The following CDK14 variants were observed in gnomAD, a reference collection of about 807,000 sequenced individuals.
The protein encoded by CDK14 is cyclin-dependent kinase 14.
In CDK14, 34 loss-of-function variants were observed where a neutral mutation model predicts 60.7. The ratio of observed to expected loss-of-function variants is 0.56; its 90% CI spans 0.43 to 0.75. CDK14 has a LOEUF of 0.75. Among genes scored for constraint, CDK14 ranks in the 30% least tolerant of loss-of-function variants. The pLI is 0.00. For missense variants in CDK14, 482 were observed against 564.1 expected, an observed-to-expected ratio of 0.85 and a Z score of 1.47; for synonymous variants, 197 against 203.7, an observed-to-expected ratio of 0.97 and a Z score of 0.28.
intron 7 of CDK14, among the ~76,000 whole-genome samples, chr7:90,900,731 A>G: frequency 6.6e-6 from 1 of 152,186 alleles, no homozygotes; most frequent in East Asian, 1.9e-4. Flanking sequence ...CTCTGAGCTA[A>G]CTTTGACTTC....
intron 5 of CDK14, among the ~76,000 whole-genome samples, chr7:90,809,662 C>T (rs1249945119): frequency 6.6e-6 from 1 of 151,752 alleles, no homozygotes; most frequent in Non-Finnish European, 1.5e-5. Context: ...AAAAACCCTT[C>T]AAAGAAATGA....
intron 11 of CDK14, among the ~76,000 whole-genome samples, chr7:91,068,195 G>T (rs1233512406): frequency 6.6e-6 from 1 of 152,164 alleles, no homozygotes. Context: ...ATGCAGCCTA[G>T]TAGAGAATAA....
At chr7:91,198,119 A>G (rs1164200277) in intron 14 of CDK14, among the ~76,000 whole-genome samples, 1 of 152,188 alleles carries the variant, frequency 6.6e-6, no homozygotes, top group African/African-American at 2.4e-5. Flanking sequence ...GATGTGCTAT[A>G]GTGGTATGCA....
At chr7:91,072,247 A>G (rs1026194133) in intron 11 of CDK14, among the ~76,000 whole-genome samples, 2 of 152,150 alleles carry the variant, frequency 1.3e-5, no homozygotes, top group African/African-American at 4.8e-5. Context: ...CAGACACCCT[A>G]TATAGGAATG....
At chr7:91,096,663 T>G (rs916969137) in intron 12 of CDK14, among the ~76,000 whole-genome samples, 6 of 152,228 alleles carry the variant, frequency 3.9e-5, no homozygotes, top group Non-Finnish European at 8.8e-5. Context: ...TCCCTAAATT[T>G]GAAGTCTTGT....
At chr7:91,053,154 C>A (rs1797440924) in intron 11 of CDK14, among the ~76,000 whole-genome samples, 1 of 152,100 alleles carries the variant, frequency 6.6e-6, no homozygotes, top group Non-Finnish European at 1.5e-5. Flanking sequence ...ACGTTTTATG[C>A]TATATTTTAT....
At chr7:91,178,192 G>GA (rs890904148) in intron 14 of CDK14, among the ~76,000 whole-genome samples, 4 of 55,660 alleles carry the variant, frequency 7.2e-5, no homozygotes, top group African/African-American at 2.7e-4. Flanking sequence ...ACAAACCTGA[G>GA]AAAAACAAGC....
intron 6 of CDK14, among the ~76,000 whole-genome samples, chr7:90,873,425 G>C (rs1791442931): frequency 6.6e-6 from 1 of 152,186 alleles, no homozygotes; most frequent in African/African-American, 2.4e-5. Context: ...AAGTAAGTTA[G>C]TAAATGCCTG....
intron 10 of CDK14, among the ~76,000 whole-genome samples, chr7:91,039,705 T>A (rs536673542): frequency 6.6e-6 from 1 of 152,190 alleles, no homozygotes; most frequent in African/African-American, 2.4e-5. Flanking sequence ...GCCACTCTTA[T>A]AATTTCCTCT....
chr7:90,629,083 A>AT (rs1320732717), intron 2 of CDK14, among the ~76,000 whole-genome samples: 4 of 152,072 alleles, frequency 2.6e-5, no homozygotes, highest in South Asian at 4.2e-4. Flanking sequence ...TTTTATATAT[A>AT]TTTTTTTAAA....
intron 10 of CDK14, among the ~76,000 whole-genome samples, chr7:91,036,984 AG>A (rs1796951900): frequency 6.6e-6 from 1 of 152,226 alleles, no homozygotes; most frequent in African/African-American, 2.4e-5. Context: ...TGGGAATCAC[AG>A]GGGTGAGCTT....
intron 9 of CDK14, among the ~76,000 whole-genome samples, chr7:90,972,841 G>T (rs1794968770): frequency 6.6e-6 from 1 of 152,078 alleles, no homozygotes; most frequent in African/African-American, 2.4e-5. Context: ...TCGCCCCTCA[G>T]TACCTGATTT....
Position 90,909,137 on chromosome 7 carries a change from C to G in CDK14, c.703-8464C>G, listed in dbSNP as rs186336963. ...TCCCAAATGAAATTGAGTAGGAAGA[C>G]CTACTGACTCTCCATTTCCCAATTT... On this transcript the variant is annotated intron_variant, in intron 7 of 14. Transcript: ENST00000380050. Among the ~76,000 whole-genome samples, 3 of 152,200 alleles carry G rather than the reference C, an allele frequency of 2.0e-5. No individual in the cohort carries two copies. The East Asian group carries it at 5.8e-4, about 29-fold the overall frequency.
chr7:90,886,080 A>G (rs1791937980), intron 6 of CDK14, among the ~76,000 whole-genome samples: 1 of 152,194 alleles, frequency 6.6e-6, no homozygotes, highest in African/African-American at 2.4e-5. Flanking sequence ...TTCTTAAAAC[A>G]AATTCCATCA....
intron 11 of CDK14, among the ~76,000 whole-genome samples, chr7:91,063,236 C>T (rs1442404070): frequency 6.6e-6 from 1 of 152,154 alleles, no homozygotes; most frequent in Admixed American, 6.5e-5. Flanking sequence ...CACATAGCTC[C>T]TTCAAGACAA....
intron 9 of CDK14, among the ~76,000 whole-genome samples, chr7:90,964,377 C>G (rs576901023): frequency 1.3e-5 from 2 of 152,114 alleles, no homozygotes; most frequent in African/African-American, 2.4e-5. Flanking sequence ...TATGGAAAAC[C>G]TAGGTCAGCT....
chr7:90,752,546 G>A (rs572656528), intron 4 of CDK14, among the ~76,000 whole-genome samples: 5 of 151,856 alleles, frequency 3.3e-5, no homozygotes, highest in Admixed American at 2.6e-4. Context: ...GCACTAAATG[G>A]CTACCTAAAA....
At chr7:90,684,193 T>G (rs191542849) in intron 2 of CDK14, among the ~76,000 whole-genome samples, 1 of 152,304 alleles carries the variant, frequency 6.6e-6, no homozygotes, top group Admixed American at 6.5e-5. Flanking sequence ...TAAAAAGAGT[T>G]TAGAGTTATT....
intron 6 of CDK14, among the ~76,000 whole-genome samples, chr7:90,893,381 GTCTA>G (rs1792199039): frequency 6.6e-6 from 1 of 152,210 alleles, no homozygotes; most frequent in South Asian, 2.1e-4. Context: ...CAGGGGTCTA[GTCTA>G]TAGGTGGTCC....
Sources: gnomAD v4.1 joint callset for allele counts (sites outside exome capture counted in the v4.1 genomes callset) on GRCh38, gnomAD v4.1.1 for gene constraint, MANE v1.5 for transcripts, NCBI Gene and HGNC (gene_info 2026-07-23, HGNC 2026-07-21) for gene names.